Variants in BRF1 observed in about 807,000 individuals in gnomAD.
The protein encoded by BRF1 is BRF1 general transcription factor IIIB subunit.
A neutral mutation model predicts 81.7 loss-of-function variants in BRF1; 59 were observed. The observed-to-expected ratio is 0.72, with a 90% CI of 0.59 to 0.90. The LOEUF (loss-of-function observed/expected upper bound fraction) is 0.90, where lower values mean the gene tolerates loss of function less well. Among genes scored for constraint, BRF1 ranks in the 40% least tolerant of loss-of-function variants. The pLI, the probability that BRF1 is intolerant of heterozygous loss-of-function variation, is 0.00. For missense variants in BRF1, 1,050 were observed against 936.3 expected, an observed-to-expected ratio of 1.12 and a Z score of -1.58; for synonymous variants, 491 against 395.6, an observed-to-expected ratio of 1.24 and a Z score of -2.86.
Position 105,217,717 on chromosome 14 carries a change from C to A in BRF1, c.1599G>T (p.Lys533Asn), listed in dbSNP as rs1891565671. Residue 533 changes from lysine (K) to asparagine (N), a missense_variant, in exon 15 of 18, where the codon AAG (lysine) becomes AAT (asparagine). Lys to Asn is a moderately conservative substitution (Grantham distance 94, BLOSUM62 0). Coordinates refer to ENST00000547530, the MANE Select transcript of BRF1 (RefSeq NM_001519.4). ...CGCTATAATTGATCTTGCTGGAGAT[C>A]TTCTTCTGCTCCAGCATCTTCTCGA... ...EAIEKMLEQK[K>N]ISSKINYSVL... is the part of the protein sequence containing the mutation. The A allele has an allele frequency of 1.2e-6, 2 of 1,613,370 alleles. No individual in the cohort carries two copies. The highest frequency in any genetic ancestry group is 1.1e-5 in the South Asian group (1 of 91,088).
At chr14:105,310,134 C>A (rs2058308859) in intron 1 of BRF1, among the ~76,000 whole-genome samples, 1 of 152,020 alleles carries the variant, frequency 6.6e-6, no homozygotes, top group African/African-American at 2.4e-5. Context: ...ACAACTGTCT[C>A]ACTTATTCTT....
intron 14 of BRF1, among the ~76,000 whole-genome samples, chr14:105,218,098 G>A (rs1358462290): frequency 6.6e-6 from 1 of 152,188 alleles, no homozygotes; most frequent in Non-Finnish European, 1.5e-5. Flanking sequence ...GCTGCCCCTG[G>A]GTCCCACACA....
intron 1 of BRF1, among the ~76,000 whole-genome samples, chr14:105,310,201 T>A (rs2058311171): frequency 6.6e-6 from 1 of 152,104 alleles, no homozygotes; most frequent in East Asian, 1.9e-4. Context: ...TTTAGTGGTC[T>A]TATGGACTTG....
At chr14:105,258,317 T>C (rs1429402370) in intron 3 of BRF1, among the ~76,000 whole-genome samples, 1 of 150,842 alleles carries the variant, frequency 6.6e-6, no homozygotes, top group Non-Finnish European at 1.5e-5. Context: ...TGAAACCCCG[T>C]CTCTACTAAA....
chr14:105,308,303 A>G (rs1020540725), intron 1 of BRF1, among the ~76,000 whole-genome samples: 1 of 152,034 alleles, frequency 6.6e-6, no homozygotes, highest in African/African-American at 2.4e-5. Flanking sequence ...GAAATATGGC[A>G]AAACAGCATC....
chr14:105,256,112 G>A (rs985732967), intron 4 of BRF1: 13 of 1,246,608 alleles, frequency 1.0e-5, no homozygotes, highest in Middle Eastern at 3.2e-4. Flanking sequence ...GTGACAGAGC[G>A]AGACTCCATC....
Position 105,226,145 on chromosome 14 carries a change from G to T in BRF1, c.972C>A (p.Tyr324Ter). 1 of 1,613,992 alleles carries T rather than the reference G, an allele frequency of 6.2e-7. No homozygotes were observed. The highest frequency in any genetic ancestry group is 8.5e-7 in the Non-Finnish European group (1 of 1,180,020). The change falls in exon 10 of 18, where the codon TAC becomes TAA. Residue 324 changes from tyrosine to a stop codon, truncating the protein, a stop_gained. Transcript: ENST00000547530. LOFTEE classifies it high-confidence loss of function. ...CTAGTTCAATCTCAATTGCATCCTG[G>T]TAACTGGATATTTCACCTGAAGTCA... is the stretch of plus-strand genomic sequence containing the variant. ...LEEVEGEISS[Y>*]QDAIEIELEN...
At chr14:105,216,446 G>A (rs1891320862) in intron 15 of BRF1, among the ~76,000 whole-genome samples, 1 of 152,184 alleles carries the variant, frequency 6.6e-6, no homozygotes, top group African/African-American at 2.4e-5. Context: ...AGCTGTGCTA[G>A]GAATGCACCC....
At chr14:105,257,046 C>G (rs2055914604) in intron 3 of BRF1, among the ~76,000 whole-genome samples, 1 of 152,100 alleles carries the variant, frequency 6.6e-6, no homozygotes, top group African/African-American at 2.4e-5. Context: ...CCTGGGGCCC[C>G]CTTGGTGAGT....
At chr14:105,225,389 G>A (rs1010702845) in intron 10 of BRF1, among the ~76,000 whole-genome samples, 1 of 152,132 alleles carries the variant, frequency 6.6e-6, no homozygotes, top group Non-Finnish European at 1.5e-5. Context: ...GTGGGGGCGG[G>A]GTCAGACACG....
chr14:105,229,643 CG>C (rs1259085093), intron 6 of BRF1, among the ~76,000 whole-genome samples: 4 of 151,058 alleles, frequency 2.6e-5, no homozygotes, highest in Non-Finnish European at 4.4e-5. Context: ...CAGCTGGGGG[CG>C]GGGGACAGCC....
rs587605588 is a variant in BRF1, at chr14:105,286,486, T to C, written c.185-110A>G. ...AGAACAAAGCGGGGGTCAGCACTCA[T>C]GGGGGAAGCAGCAGGTCGGCCCCCC... On this transcript the variant is annotated intron_variant, in intron 1 of 17. Transcript: ENST00000547530. 1.3e-4 allele frequency: 147 copies of C among 1,142,592 alleles called. 1 individual carries two copies. Among genetic ancestry groups the C allele is most frequent in the South Asian group, 8.9e-4 (67 of 75,598 alleles). 70.8% of individuals were successfully genotyped at this position (1,142,592 alleles called of 1,614,324 possible).
At chr14:105,296,512 CA>C (rs776092536) in intron 1 of BRF1, among the ~76,000 whole-genome samples, 24 of 136,390 alleles carry the variant, frequency 1.8e-4, no homozygotes, top group South Asian at 2.4e-4. Flanking sequence ...GACGCCGTCT[CA>C]AAAAAAAAAA....
chr14:105,263,978 A>G (rs2056284798), intron 3 of BRF1, among the ~76,000 whole-genome samples: 1 of 152,098 alleles, frequency 6.6e-6, no homozygotes, highest in African/African-American at 2.4e-5. Flanking sequence ...AGTATCCATC[A>G]TCTCTGTAAT....
At chr14:105,217,159 A>G in intron 15 of BRF1, 1 of 324,668 alleles carries the variant, frequency 3.1e-6, no homozygotes, top group Non-Finnish European at 5.9e-6. Context: ...CCATCACCTC[A>G]GCAGAGACGG....
intron 5 of BRF1, chr14:105,249,094 G>C (rs587662307): frequency 1.3e-6 from 2 of 1,482,942 alleles, no homozygotes; most frequent in East Asian, 2.8e-5. Flanking sequence ...AGGTGAGCCC[G>C]TGCCCCGCGG....
chr14:105,245,514 A>G (rs1229475568), intron 5 of BRF1, among the ~76,000 whole-genome samples: 1 of 152,218 alleles, frequency 6.6e-6, no homozygotes, highest in African/African-American at 2.4e-5. Flanking sequence ...AAAGAATTAA[A>G]AAGTCCAACA....
At chr14:105,296,898 A>G (rs1448109396) in intron 1 of BRF1, among the ~76,000 whole-genome samples, 2 of 152,170 alleles carry the variant, frequency 1.3e-5, no homozygotes, top group Non-Finnish European at 1.5e-5. Flanking sequence ...GCTCATGCCT[A>G]TAATTCCAGC....
chr14:105,246,880 C>CAATT, intron 5 of BRF1: 1 of 985,510 alleles, frequency 1.0e-6, no homozygotes, highest in Non-Finnish European at 1.2e-6. Flanking sequence ...GGCGGCTCAG[C>CAATT]AATTCTATCC....
Sources: allele counts gnomAD v4.1 joint callset (sites outside exome capture counted in the v4.1 genomes callset), GRCh38; gene constraint gnomAD v4.1.1; transcripts MANE v1.5; gene names NCBI Gene and HGNC (gene_info 2026-07-23, HGNC 2026-07-21).